ALK: variants seen among roughly 807,000 people sequenced by gnomAD.
ALK encodes the protein ALK tyrosine kinase receptor.
In ALK, 74 loss-of-function variants were observed where a neutral mutation model predicts 163.1. That is an observed-to-expected ratio of 0.45 (90% CI 0.38 to 0.55). The LOEUF is 0.55. Ranked by LOEUF, ALK falls within the 20% of genes least tolerant of loss-of-function variation. The pLI is 0.00. For missense variants in ALK, 2,063 were observed against 2,105.3 expected, an observed-to-expected ratio of 0.98 and a Z score of 0.39; for synonymous variants, 960 against 843.2, an observed-to-expected ratio of 1.14 and a Z score of -2.40.
At chr2:29,195,460 A>G (rs1668998938) in intron 28 of ALK, among the ~76,000 whole-genome samples, 1 of 152,176 alleles carries the variant, frequency 6.6e-6, no homozygotes, top group African/African-American at 2.4e-5. Context: ...ATTTAAAGAA[A>G]TAGTAGGTAG....
chr2:29,889,597 C>T (rs1316204990), intron 1 of ALK, among the ~76,000 whole-genome samples: 2 of 151,760 alleles, frequency 1.3e-5, no homozygotes, highest in African/African-American at 4.8e-5. Context: ...AGCAGAGAGA[C>T]AGCAGGGGAA....
chr2:29,309,213 A>G (rs1026049427), intron 8 of ALK, among the ~76,000 whole-genome samples: 1 of 152,044 alleles, frequency 6.6e-6, no homozygotes, highest in Non-Finnish European at 1.5e-5. Context: ...TCTGGGGAGT[A>G]TTTTTCCCTG....
At chr2:29,416,673 C>T (rs999286477) in intron 4 of ALK, among the ~76,000 whole-genome samples, 2 of 152,034 alleles carry the variant, frequency 1.3e-5, no homozygotes, top group African/African-American at 2.4e-5. Flanking sequence ...AGGCTTGGGC[C>T]CCAGATACTA....
chr2:29,336,335 T>C (rs1415697375), intron 5 of ALK, among the ~76,000 whole-genome samples: 1 of 152,196 alleles, frequency 6.6e-6, no homozygotes, highest in Non-Finnish European at 1.5e-5. Context: ...TGTTAATGAC[T>C]CTCCCCTGAA....
chr2:29,356,521 G>A (rs186027392), intron 5 of ALK, among the ~76,000 whole-genome samples: 2 of 152,188 alleles, frequency 1.3e-5, no homozygotes, highest in Non-Finnish European at 2.9e-5. Context: ...TCTCACTACA[G>A]TACAATGGAA....
chr2:29,875,524 T>A (rs1558528812), intron 1 of ALK, among the ~76,000 whole-genome samples: 1 of 152,156 alleles, frequency 6.6e-6, no homozygotes, highest in African/African-American at 2.4e-5. Context: ...TATCAACCCA[T>A]CATCTAGGTT....
intron 1 of ALK, among the ~76,000 whole-genome samples, chr2:29,805,101 C>A (rs182376142): frequency 3.2e-4 from 49 of 152,274 alleles, no homozygotes; most frequent in Non-Finnish European, 5.9e-4. Flanking sequence ...GCTAAGTTTG[C>A]ACAGACCTGC....
chr2:29,297,036 G>A lies in ALK; in HGVS notation c.1669C>T (p.Arg557Cys), dbSNP rs200364883. The change falls in exon 9 of 29, where the codon CGT (arginine) becomes TGT (cysteine). Residue 557 changes from arginine to cysteine, a missense_variant. Around this residue, in one of 5 missense-constraint regions of ALK, gnomAD observed 987 missense variants for 939.5 expected, o/e 1.05. Coordinates refer to ENST00000389048, the MANE Select transcript of ALK (RefSeq NM_004304.5). The part of the protein sequence containing the change: ...PCELRMSWLI[R>C]GVLRGNVSLV... ...GACACGTTTCCCCTCAAGACTCCAC[G>A]AATGAGCCAGGACATTCGGAGCTGT... 1.1e-5 allele frequency: 17 copies of A among 1,614,026 alleles called. No homozygotes were observed. Among genetic ancestry groups the A allele is most frequent in the South Asian group, 5.5e-5 (5 of 91,086 alleles).
intron 3 of ALK, among the ~76,000 whole-genome samples, chr2:29,593,328 C>T (rs534804553): frequency 1.3e-5 from 2 of 152,268 alleles, no homozygotes; most frequent in Admixed American, 1.3e-4. Context: ...TCGACCATTG[C>T]CTATGGAGAA....
At position 29,226,992 on chromosome 2, in the gene ALK, A is replaced by C. The variant is rs2148178500; in HGVS notation, c.2997T>G (p.Pro999=). The change falls in exon 18 of 29, where the codon CCT becomes CCG. Residue 999 remains proline (P), a synonymous_variant. Coordinates refer to ENST00000389048, the MANE Select transcript of ALK (RefSeq NM_004304.5). The part of the protein sequence containing the change: ...HCEVDECHMD[P]ESHKVICFCD... ...AGAAGCAGATGACCTTGTGGCTTTC[A>C]GGGTCCATGTGACATTCGTCTACCT... 6.2e-7 allele frequency: 1 copy of C among 1,614,162 alleles called. No individual in the cohort carries two copies. Among genetic ancestry groups the C allele is most frequent in the Non-Finnish European group, 8.5e-7 (1 of 1,180,030 alleles).
chr2:29,271,886 T>C (rs1475029669), intron 11 of ALK, among the ~76,000 whole-genome samples: 1 of 152,238 alleles, frequency 6.6e-6, no homozygotes, highest in Non-Finnish European at 1.5e-5. Context: ...GTTAGGGTTG[T>C]GGAGTTGGGC....
At chr2:29,779,512 G>A (rs932014644) in intron 1 of ALK, among the ~76,000 whole-genome samples, 5 of 152,186 alleles carry the variant, frequency 3.3e-5, no homozygotes, top group African/African-American at 7.2e-5. Flanking sequence ...TCAAGCCAAG[G>A]CTCTCTCTTC....
intron 11 of ALK, among the ~76,000 whole-genome samples, chr2:29,258,619 GA>G (rs1665008844): frequency 1.3e-5 from 2 of 152,300 alleles, no homozygotes; most frequent in African/African-American, 4.8e-5. Flanking sequence ...ACATTATTAT[GA>G]ATCCATGAAT....
intron 4 of ALK, among the ~76,000 whole-genome samples, chr2:29,508,880 C>T (rs1051374140): frequency 4.6e-5 from 7 of 151,882 alleles, no homozygotes; most frequent in Non-Finnish European, 7.4e-5. Flanking sequence ...TCTAATTCAG[C>T]GTCTCCCAAG....
chr2:29,824,421 C>T (rs1046003588), intron 1 of ALK, among the ~76,000 whole-genome samples: 1 of 152,208 alleles, frequency 6.6e-6, no homozygotes, highest in African/African-American at 2.4e-5. Context: ...TGACAGCTTG[C>T]ACCATGAGCC....
At chr2:29,664,740 A>T (rs1401270903) in intron 3 of ALK, among the ~76,000 whole-genome samples, 1 of 152,068 alleles carries the variant, frequency 6.6e-6, no homozygotes, top group Non-Finnish European at 1.5e-5. Context: ...TGACAGCATA[A>T]TGGCTTCCAA....
chr2:29,845,259 C>T (rs955751907), intron 1 of ALK, among the ~76,000 whole-genome samples: 10 of 152,194 alleles, frequency 6.6e-5, no homozygotes, highest in African/African-American at 1.9e-4. Flanking sequence ...CTCACACAAA[C>T]CCTGGCTTCT....
chr2:29,454,917 A>G (rs1165753903), intron 4 of ALK, among the ~76,000 whole-genome samples: 1 of 152,162 alleles, frequency 6.6e-6, no homozygotes. Context: ...TAAAAGTCCT[A>G]TGCGGTTAGT....
chr2:29,374,335 C>T (rs767935792), intron 5 of ALK, among the ~76,000 whole-genome samples: 18 of 151,758 alleles, frequency 1.2e-4, no homozygotes, highest in Non-Finnish European at 8.8e-5. Context: ...AGGTGGTGAG[C>T]GATGGAGCTG....
Sources: gnomAD v4.1 joint callset for allele counts (sites outside exome capture counted in the v4.1 genomes callset) on GRCh38, gnomAD v4.1.1 for gene constraint, gnomAD v4.1.1 regional missense constraint, MANE v1.5 for transcripts, NCBI Gene and HGNC (gene_info 2026-07-23, HGNC 2026-07-21) for gene names.